NRCAM: variants seen among roughly 807,000 people sequenced by gnomAD.
The protein encoded by NRCAM is neuronal cell adhesion molecule, also known as NgCAM-related cell adhesion molecule.
In NRCAM, 83 loss-of-function variants were observed where a neutral mutation model predicts 156.5. That is an observed-to-expected ratio of 0.53 (90% CI 0.44 to 0.64). NRCAM has a LOEUF of 0.64. NRCAM is among the 30% of genes least tolerant of loss of function. The pLI is 0.00. For missense variants in NRCAM, 1,417 were observed against 1,597.3 expected (o/e 0.89, Z 1.92); for synonymous variants, 538 against 563.9 (o/e 0.95, Z 0.65).
chr7:108,436,360 TTAGA>T (rs1284498512), intron 1 of NRCAM, among the ~76,000 whole-genome samples: 2 of 152,194 alleles, frequency 1.3e-5, no homozygotes, highest in Non-Finnish European at 2.9e-5. Flanking sequence ...TTGATATTGA[TTAGA>T]TATTCTAATA....
chr7:108,254,996 A>G (rs2096557097), intron 3 of NRCAM, among the ~76,000 whole-genome samples: 1 of 152,270 alleles, frequency 6.6e-6, no homozygotes. Context: ...GAAAAATTGT[A>G]AACAGATCCA....
chr7:108,319,080 T>C (rs1484653058), intron 2 of NRCAM, among the ~76,000 whole-genome samples: 1 of 152,164 alleles, frequency 6.6e-6, no homozygotes, highest in Non-Finnish European at 1.5e-5. Context: ...CACACAACAA[T>C]ATAAATGTAC....
chr7:108,283,832 C>T (rs1162781439), intron 3 of NRCAM, among the ~76,000 whole-genome samples: 1 of 152,106 alleles, frequency 6.6e-6, no homozygotes, highest in Non-Finnish European at 1.5e-5. Context: ...ATATGTCACT[C>T]ATTTCCAAAT....
chr7:108,204,460 T>C (rs924479811), intron 13 of NRCAM, among the ~76,000 whole-genome samples: 1 of 152,254 alleles, frequency 6.6e-6, no homozygotes, highest in African/African-American at 2.4e-5. Flanking sequence ...TGGCTCATCA[T>C]CTTTTAGTTA....
intron 3 of NRCAM, among the ~76,000 whole-genome samples, chr7:108,266,908 C>CT (rs2097128628): frequency 6.6e-6 from 1 of 152,144 alleles, no homozygotes; most frequent in Non-Finnish European, 1.5e-5. Flanking sequence ...TTTTACCCCG[C>CT]TAACAAGTTA....
At chr7:108,225,573 C>T (rs1462907113) in intron 10 of NRCAM, 72 bp downstream of exon 10, 1 of 875,154 alleles carries the variant, frequency 1.1e-6, no homozygotes, top group Non-Finnish European at 2.0e-6. Context: ...GTTAAATAGT[C>T]ATGGAGGTGA....
chr7:108,294,847 G>A (rs150380815), intron 3 of NRCAM, among the ~76,000 whole-genome samples: 12 of 150,734 alleles, frequency 8.0e-5, no homozygotes, highest in African/African-American at 2.9e-4. Context: ...TTCCTGCCCC[G>A]CAGCCATCTC....
At chr7:108,454,993 C>A (rs968735070) in intron 1 of NRCAM, among the ~76,000 whole-genome samples, 1 of 151,996 alleles carries the variant, frequency 6.6e-6, no homozygotes, top group African/African-American at 2.4e-5. Context: ...TCGGCGCCCT[C>A]CCTCGGTGCC....
chr7:108,311,545 C>A (rs568329796), intron 3 of NRCAM, among the ~76,000 whole-genome samples: 2 of 152,166 alleles, frequency 1.3e-5, no homozygotes, highest in African/African-American at 4.8e-5. Flanking sequence ...TGCTAATTTT[C>A]ACTTTTCAGG....
At chr7:108,191,133 G>A (rs942465173) in intron 19 of NRCAM, 121 bp downstream of exon 19, 1 of 734,384 alleles carries the variant, frequency 1.4e-6, no homozygotes, top group Non-Finnish European at 2.2e-6. Flanking sequence ...CATAACAACT[G>A]ACAGAGACCT....
At chr7:108,342,148 G>C (rs1476395604) in intron 2 of NRCAM, among the ~76,000 whole-genome samples, 2 of 152,138 alleles carry the variant, frequency 1.3e-5, no homozygotes, top group South Asian at 4.1e-4. Context: ...TCTCATACCT[G>C]GACACTCTTG....
At chr7:108,361,820 ATATATG>A (rs1457650100) in intron 2 of NRCAM, among the ~76,000 whole-genome samples, 1 of 152,136 alleles carries the variant, frequency 6.6e-6, no homozygotes, top group Non-Finnish European at 1.5e-5. Flanking sequence ...TATTTGCATT[ATATATG>A]TATATGTATT....
rs112937416 is a variant in NRCAM at position 108,316,544 on chromosome 7, A to G, written c.-173-3813T>C. Reference sequence around the variant, plus strand: ...TAATCCCAGCACTTTGGGAGGCCGAAGCAGGCAGATCACGAAGTCAGGAGA... The same window carrying G: ...TAATCCCAGCACTTTGGGAGGCCGAGGCAGGCAGATCACGAAGTCAGGAGA... On this transcript the variant is annotated intron_variant, in intron 2 of 32. Transcript: ENST00000379028. 6.5e-4 allele frequency among the ~76,000 whole-genome samples: 99 copies of G among 152,108 alleles called. 1 individual carries two copies. Among genetic ancestry groups the G allele is most frequent in the African/African-American group, 2.4e-3 (98 of 41,512 alleles).
At chr7:108,377,386 T>TA (rs1283645624) in intron 2 of NRCAM, among the ~76,000 whole-genome samples, 2 of 152,304 alleles carry the variant, frequency 1.3e-5, no homozygotes, top group Non-Finnish European at 2.9e-5. Flanking sequence ...TAAAATATGT[T>TA]AGAGACAAGT....
chr7:108,161,221 G>A (rs1052773226), intron 30 of NRCAM, among the ~76,000 whole-genome samples: 1 of 152,210 alleles, frequency 6.6e-6, no homozygotes, highest in Non-Finnish European at 1.5e-5. Flanking sequence ...CTCAGTCAGT[G>A]AACTCATTAT....
intron 11 of NRCAM, among the ~76,000 whole-genome samples, chr7:108,215,026 A>G (rs181924101): frequency 6.6e-6 from 1 of 152,168 alleles, no homozygotes; most frequent in East Asian, 1.9e-4. Context: ...TATGTGGTCA[A>G]TTTTAGAATA....
chr7:108,193,896 C>T, intron 17 of NRCAM, 128 bp downstream of exon 17: 1 of 866,778 alleles, frequency 1.2e-6, no homozygotes, highest in Middle Eastern at 2.8e-4. Flanking sequence ...ATGCTTATCT[C>T]TCTATTTTGG....
At chr7:108,241,993 C>T (rs527433131) in intron 3 of NRCAM, among the ~76,000 whole-genome samples, 3 of 151,982 alleles carry the variant, frequency 2.0e-5, no homozygotes, top group Admixed American at 2.0e-4. Context: ...AAAGAATATG[C>T]CAGGCCAGGT....
At chr7:108,255,968 GC>G (rs2096631132) in intron 3 of NRCAM, among the ~76,000 whole-genome samples, 1 of 150,692 alleles carries the variant, frequency 6.6e-6, no homozygotes, top group African/African-American at 2.4e-5. Context: ...GTGGGGGGCA[GC>G]CCCCGCCCGG....
Sources: gnomAD v4.1 joint callset for allele counts (sites outside exome capture counted in the v4.1 genomes callset) on GRCh38, gnomAD v4.1.1 for gene constraint, MANE v1.5 for transcripts, NCBI Gene and HGNC (gene_info 2026-07-23, HGNC 2026-07-21) for gene names.